Variants in TBX18 observed in about 807,000 individuals in gnomAD.
TBX18 encodes T-box transcription factor 18.
Under a neutral mutation model 55.0 loss-of-function variants are expected in TBX18, and 21 were observed. That is an observed-to-expected ratio of 0.38 (90% confidence interval 0.27 to 0.55). The LOEUF (loss-of-function observed/expected upper bound fraction) is 0.55, where lower values mean the gene tolerates loss of function less well. Among genes scored for constraint, TBX18 ranks in the 20% least tolerant of loss-of-function variants. The pLI, the probability that TBX18 is intolerant of heterozygous loss-of-function variation, is 0.73. For synonymous variants in TBX18, 342 were observed against 326.1 expected (o/e 1.05, Z -0.53); for missense variants, 840 against 799.6 (o/e 1.05, Z -0.61).
Position 84,737,182 on chromosome 6 carries a change from T to C in TBX18, c.1327A>G (p.Asn443Asp). The change falls in exon 8 of 8, where the codon AAC (asparagine) becomes GAC (aspartate). Residue 443 changes from asparagine to aspartate, a missense_variant. Transcript: ENST00000369663. Reference protein sequence around the residue: ...SLAETYNRLTNQAGETFAPPR... With the variant: ...SLAETYNRLTDQAGETFAPPR... ...GGGGCAAAGGTCTCACCAGCCTGGT[T>C]GGTGAGCCTGTTGTAGGTCTCTGCC... is the stretch of plus-strand genomic sequence containing the variant. 1 of 1,613,600 alleles carries C rather than the reference T, an allele frequency of 6.2e-7. No individual in the cohort carries two copies. The highest frequency in any genetic ancestry group is 2.2e-5 in the East Asian group (1 of 44,868).
intron 1 of TBX18, 80 bp downstream of exon 1, chr6:84,763,810 G>A (rs1767730544): frequency 5.6e-6 from 8 of 1,425,574 alleles, no homozygotes; most frequent in Non-Finnish European, 6.4e-6. Context: ...TAGGGACGCG[G>A]CGCGCACGCA....
Position 84,736,997 on chromosome 6 carries a change from G to T in TBX18, c.1512C>A (p.Ser504=). The part of the protein sequence containing the change: ...PQLQYIMPSP[S]SNAFATNQTH... ...TCTGGTTAGTGGCGAAGGCATTGCT[G>T]GAGGGTGATGGCATGATATACTGGA... The change falls in exon 8 of 8, where the codon TCC becomes TCA. Residue 504 remains serine, a synonymous_variant. Transcript: ENST00000369663. 1 of 1,612,948 alleles carries T rather than the reference G, an allele frequency of 6.2e-7. No homozygotes were observed. Among genetic ancestry groups the T allele is most frequent in the Non-Finnish European group, 8.5e-7 (1 of 1,179,320 alleles).
intron 5 of TBX18, among the ~76,000 whole-genome samples, chr6:84,746,219 T>C (rs1200680190): frequency 2.0e-5 from 3 of 151,926 alleles, no homozygotes; most frequent in Admixed American, 1.3e-4. Context: ...ACAGTTAATT[T>C]GTGTGTGAGA....
chr6:84,750,449 A>G (rs937533964), intron 4 of TBX18, among the ~76,000 whole-genome samples: 3 of 152,128 alleles, frequency 2.0e-5, no homozygotes, highest in Admixed American at 2.0e-4. Context: ...TCTGAGGTCT[A>G]TTTACCGCCC....
At chr6:84,756,625 A>C in intron 4 of TBX18, 73 bp downstream of exon 4, 1 of 1,401,546 alleles carries the variant, frequency 7.1e-7, no homozygotes, top group Non-Finnish European at 9.9e-7. Context: ...AGAAGCATTC[A>C]TTTCCTTTAG....
intron 5 of TBX18, among the ~76,000 whole-genome samples, chr6:84,746,084 A>C (rs1767177040): frequency 1.3e-5 from 2 of 152,072 alleles, no homozygotes; most frequent in African/African-American, 4.8e-5. Context: ...TTTCTCCTCT[A>C]ATCTGTCCAT....
Position 84,736,845 on chromosome 6 carries a change from A to G in TBX18, c.1664T>C (p.Leu555Ser). The change falls in exon 8 of 8, where the codon TTG (leucine) becomes TCG (serine). Residue 555 changes from leucine to serine, a missense_variant. Transcript: ENST00000369663. ...EKIVSSQGSF[L>S]GSSPSGTMTD... Reference sequence around the variant, plus strand: ...CATGGTCCCACTCGGTGAGGACCCCAAGAAACTTCCTTGGGAAGAAACAAT... The same window carrying G: ...CATGGTCCCACTCGGTGAGGACCCCGAGAAACTTCCTTGGGAAGAAACAAT... 6.2e-7 allele frequency: 1 copy of G among 1,613,770 alleles called. No individual in the cohort carries two copies. Among genetic ancestry groups the G allele is most frequent in the Non-Finnish European group, 8.5e-7 (1 of 1,179,916 alleles).
chr6:84,757,204 T>A (rs1767516940), intron 3 of TBX18, among the ~76,000 whole-genome samples: 1 of 152,168 alleles, frequency 6.6e-6, no homozygotes, highest in African/African-American at 2.4e-5. Flanking sequence ...GAATATTCCA[T>A]CGACACGAAA....
intron 5 of TBX18, among the ~76,000 whole-genome samples, chr6:84,745,306 G>A (rs989716722): frequency 6.6e-6 from 1 of 152,080 alleles, no homozygotes; most frequent in Admixed American, 6.6e-5. Context: ...CTTATTACCA[G>A]ATCTCCACTT....
chr6:84,756,540 T>G (rs1467597256), intron 4 of TBX18, among the ~76,000 whole-genome samples, 158 bp downstream of exon 4: 1 of 152,186 alleles, frequency 6.6e-6, no homozygotes, highest in Non-Finnish European at 1.5e-5. Flanking sequence ...ACAGGCACAG[T>G]CTATGCAAAT....
intron 3 of TBX18, among the ~76,000 whole-genome samples, chr6:84,758,761 T>A (rs1003606061): frequency 9.9e-5 from 15 of 152,146 alleles, no homozygotes; most frequent in African/African-American, 3.6e-4. Flanking sequence ...ACTGACAGAA[T>A]AAAAGCTACA....
intron 2 of TBX18, among the ~76,000 whole-genome samples, chr6:84,761,352 A>G (rs1334870003): frequency 1.3e-5 from 2 of 152,196 alleles, no homozygotes; most frequent in Non-Finnish European, 2.9e-5. Context: ...TATTACTCCT[A>G]ACTAGGTATG....
intron 2 of TBX18, among the ~76,000 whole-genome samples, chr6:84,760,560 G>A (rs1483816612): frequency 6.6e-6 from 1 of 152,144 alleles, no homozygotes; most frequent in Admixed American, 6.5e-5. Flanking sequence ...TGCACCCTGT[G>A]TACATGTGTT....
At chr6:84,763,028 C>T (rs1767698657) in intron 1 of TBX18, 1 of 542,844 alleles carries the variant, frequency 1.8e-6, no homozygotes, top group East Asian at 3.2e-5. Context: ...CGCTGGGCCT[C>T]CGCAGGGCCA....
At chr6:84,757,166 C>T (rs950180156) in intron 3 of TBX18, among the ~76,000 whole-genome samples, 1 of 152,126 alleles carries the variant, frequency 6.6e-6, no homozygotes, top group African/African-American at 2.4e-5. Context: ...CTAGACATTC[C>T]ATCTCTGATA....
In TBX18 at chr6:84,748,030, A is replaced by T; in HGVS notation, c.829T>A (p.Cys277Ser). Residue 277 changes from cysteine to serine, a missense_variant, in exon 5 of 8, where the codon TGT becomes AGT. Physicochemically the swap from Cys to Ser is moderately radical, Grantham distance 112. Coordinates refer to ENST00000369663, the MANE Select transcript of TBX18 (RefSeq NM_001080508.3). ...TTGATGGGAGAAAGATCGTCTCCAC[A>T]GTCTTTACGGATGACGTGCACTCGC... Reference protein sequence around the residue: ...QPRVHVIRKDCGDDLSPIKPV... With the variant: ...QPRVHVIRKDSGDDLSPIKPV... The T allele has an allele frequency of 6.2e-7, 1 of 1,613,650 alleles. No individual in the cohort carries two copies. The highest frequency in any genetic ancestry group is 8.5e-7 in the Non-Finnish European group (1 of 1,179,628).
chr6:84,738,561 A>G lies in TBX18; in HGVS notation c.1035T>C (p.Tyr345=), dbSNP rs1486549908. 4.3e-6 allele frequency: 7 copies of G among 1,613,964 alleles called. No individual in the cohort carries two copies. The highest frequency in any genetic ancestry group is 1.7e-4 in the Middle Eastern group (1 of 6,044). The change falls in exon 7 of 8, where the codon TAT becomes TAC. Residue 345 remains tyrosine (Y), a synonymous_variant. Coordinates refer to ENST00000369663, the MANE Select transcript of TBX18 (RefSeq NM_001080508.3). ...TCCGTAGTGATGGTCGCCAGAATGC[A>G]TATGATTCCACCAAGGCTTCCAAAC... ...RMGLEALVES[Y]AFWRPSLRTL...
At chr6:84,753,588 G>A (rs1240259602) in intron 4 of TBX18, among the ~76,000 whole-genome samples, 8 of 152,202 alleles carry the variant, frequency 5.3e-5, no homozygotes, top group Non-Finnish European at 1.2e-4. Context: ...ACTATGTAAG[G>A]GTAGAGGGGT....
Position 84,748,035 on chromosome 6 carries a change from T to C in TBX18, c.824A>G (p.Lys275Arg), listed in dbSNP as rs1240186481. 2 of 1,613,364 alleles carry C rather than the reference T, an allele frequency of 1.2e-6. No homozygotes were observed. Among genetic ancestry groups the C allele is most frequent in the Admixed American group, 3.3e-5 (2 of 59,994 alleles). Residue 275 changes from lysine to arginine, a missense_variant, in exon 5 of 8, where the codon AAA (lysine) becomes AGA (arginine). Physicochemically the swap from Lys to Arg is conservative, Grantham distance 26. Coordinates refer to ENST00000369663, the MANE Select transcript of TBX18 (RefSeq NM_001080508.3). Reference sequence around the variant, plus strand: ...GGGAGAAAGATCGTCTCCACAGTCTTTACGGATGACGTGCACTCGCGGTTG... The same window carrying C: ...GGGAGAAAGATCGTCTCCACAGTCTCTACGGATGACGTGCACTCGCGGTTG... ...KYQPRVHVIRKDCGDDLSPIK... is the reference protein window; with the variant it reads ...KYQPRVHVIRRDCGDDLSPIK...
Sources: gnomAD v4.1 joint callset for allele counts (sites outside exome capture counted in the v4.1 genomes callset) on GRCh38, gnomAD v4.1.1 for gene constraint, MANE v1.5 for transcripts, NCBI Gene and HGNC (gene_info 2026-07-23, HGNC 2026-07-21) for gene names.